Variants in PRELID2 observed in about 807,000 individuals in gnomAD.
PRELID2 encodes PRELI domain-containing protein 2.
Under a neutral mutation model 28.4 loss-of-function variants are expected in PRELID2, and 25 were observed. The ratio of observed to expected loss-of-function variants is 0.88; its 90% CI spans 0.64 to 1.23. The LOEUF is 1.23. Ranked by LOEUF, PRELID2 falls within the 50% of genes most tolerant of loss-of-function variation. The pLI is 0.00. For missense variants in PRELID2, 201 were observed against 214.4 expected (o/e 0.94, Z 0.39); for synonymous variants, 76 against 71.6 (o/e 1.06, Z -0.31).
chr5:145,283,645 C>T, the PRELID2 span, among the ~76,000 whole-genome samples: 1 of 152,138 alleles, frequency 6.6e-6, no homozygotes, highest in Non-Finnish European at 1.5e-5. Flanking sequence ...AAACTTAGAA[C>T]AGTACAGAAC....
chr5:145,445,337 T>A, the PRELID2 span, among the ~76,000 whole-genome samples: 286 of 152,024 alleles, frequency 1.9e-3, 6 homozygotes, highest in East Asian at 0.044. Flanking sequence ...TGCAGAAGAA[T>A]AAAACTATAC....
At chr5:145,282,670 C>A in the PRELID2 span, among the ~76,000 whole-genome samples, 2 of 152,038 alleles carry the variant, frequency 1.3e-5, no homozygotes, top group African/African-American at 4.8e-5. Context: ...CAGGCACCTG[C>A]CAACATGCCC....
chr5:145,798,419 C>T (rs1362934100), intron 4 of PRELID2, among the ~76,000 whole-genome samples: 3 of 152,118 alleles, frequency 2.0e-5, no homozygotes, highest in Non-Finnish European at 2.9e-5. Context: ...TACAAAAAGA[C>T]TCACATCTGT....
the PRELID2 span, among the ~76,000 whole-genome samples, chr5:145,384,844 G>A: frequency 1.2e-4 from 18 of 152,146 alleles, no homozygotes; most frequent in Admixed American, 9.2e-4. Flanking sequence ...CTGCCACGAG[G>A]AGAGCACCAA....
At chr5:145,349,213 T>C in the PRELID2 span, among the ~76,000 whole-genome samples, 81 of 152,298 alleles carry the variant, frequency 5.3e-4, no homozygotes, top group African/African-American at 1.5e-3. Flanking sequence ...AAGCATTCAG[T>C]TCTGTTTTTA....
chr5:145,721,240 G>A (rs1006617349), intron 1 of PRELID2, among the ~76,000 whole-genome samples: 10 of 152,084 alleles, frequency 6.6e-5, no homozygotes, highest in African/African-American at 7.2e-5. Context: ...TAGTAGAAAA[G>A]TGAAATGATG....
At chr5:145,704,596 T>C (rs1386367052) in intron 1 of PRELID2, among the ~76,000 whole-genome samples, 1 of 152,234 alleles carries the variant, frequency 6.6e-6, no homozygotes, top group Non-Finnish European at 1.5e-5. Context: ...TTTTGAAATA[T>C]CTGCCTAACC....
At chr5:145,378,200 T>C in the PRELID2 span, among the ~76,000 whole-genome samples, 4 of 152,184 alleles carry the variant, frequency 2.6e-5, no homozygotes, top group African/African-American at 9.6e-5. Context: ...CTGACCTTTC[T>C]TTCTAGCTGC....
chr5:145,370,048 A>C, the PRELID2 span, among the ~76,000 whole-genome samples: 1 of 152,034 alleles, frequency 6.6e-6, no homozygotes, highest in Non-Finnish European at 1.5e-5. Context: ...TAGATTGCAA[A>C]AGTTTTCTCC....
the PRELID2 span, among the ~76,000 whole-genome samples, chr5:145,258,934 G>A: frequency 6.6e-6 from 1 of 152,092 alleles, no homozygotes; most frequent in African/African-American, 2.4e-5. Context: ...CCAGGCCCAG[G>A]GCCCTGCCAC....
At chr5:145,604,503 C>T (rs1244842874) in intron 1 of PRELID2, among the ~76,000 whole-genome samples, 1 of 152,054 alleles carries the variant, frequency 6.6e-6, no homozygotes, top group Admixed American at 6.6e-5. Context: ...TGGGTTGATT[C>T]CATGTCTTTG....
At chr5:145,360,574 C>G in the PRELID2 span, among the ~76,000 whole-genome samples, 1 of 152,082 alleles carries the variant, frequency 6.6e-6, no homozygotes, top group Non-Finnish European at 1.5e-5. Flanking sequence ...TATTCAGTGT[C>G]CATTCTATAA....
the PRELID2 span, among the ~76,000 whole-genome samples, chr5:145,326,461 A>C: frequency 6.6e-6 from 1 of 152,230 alleles, no homozygotes; most frequent in Non-Finnish European, 1.5e-5. Flanking sequence ...AAGAAAAAGA[A>C]CAAAGTTGGA....
chr5:145,820,738 C>T (rs1451461034), intron 2 of PRELID2, among the ~76,000 whole-genome samples: 2 of 151,962 alleles, frequency 1.3e-5, no homozygotes, highest in African/African-American at 4.8e-5. Context: ...GAAGGAGGGA[C>T]CAAGACAAGT....
intron 1 of PRELID2, among the ~76,000 whole-genome samples, chr5:145,498,689 C>G (rs1432802015): frequency 6.6e-6 from 1 of 152,034 alleles, no homozygotes; most frequent in African/African-American, 2.4e-5. Context: ...CCACCATGCC[C>G]AGCTATGGTA....
chr5:145,554,810 A>C (rs995186876), intron 1 of PRELID2, among the ~76,000 whole-genome samples: 4 of 152,200 alleles, frequency 2.6e-5, no homozygotes, highest in African/African-American at 9.7e-5. Context: ...CAGTGATTTA[A>C]CAGTTACATT....
chr5:145,686,074 T>A (rs2149692265), intron 1 of PRELID2, among the ~76,000 whole-genome samples: 1 of 152,308 alleles, frequency 6.6e-6, no homozygotes, highest in Middle Eastern at 3.4e-3. Flanking sequence ...TCTTCTGCCT[T>A]TGTTATTCAT....
the PRELID2 span, among the ~76,000 whole-genome samples, chr5:145,450,443 C>A: frequency 6.6e-6 from 1 of 152,116 alleles, no homozygotes; most frequent in African/African-American, 2.4e-5. Flanking sequence ...GGAGAAGCAA[C>A]AATCTACCTC....
the PRELID2 span, among the ~76,000 whole-genome samples, chr5:145,263,883 C>T: frequency 6.7e-6 from 1 of 150,038 alleles, no homozygotes; most frequent in African/African-American, 2.5e-5. Context: ...CAGGACCAGA[C>T]AGATTCACAG....
Sources: allele counts gnomAD v4.1 joint callset (sites outside exome capture counted in the v4.1 genomes callset), GRCh38; gene constraint gnomAD v4.1.1; transcripts MANE v1.5; gene names NCBI Gene and HGNC (gene_info 2026-07-23, HGNC 2026-07-21).